The following GET4 variants were observed in gnomAD, a reference collection of about 807,000 sequenced individuals.
The protein encoded by GET4 is Golgi to ER traffic protein 4 homolog.
GET4 carries 20 observed loss-of-function variants against 40.0 expected under a neutral mutation model. The observed-to-expected ratio is 0.50, with a 90% confidence interval of 0.35 to 0.73. GET4 has a LOEUF of 0.73. Among genes scored for constraint, GET4 ranks in the 30% least tolerant of loss-of-function variants. GET4 has a pLI of 0.01. For missense variants in GET4, 557 were observed against 454.0 expected, an observed-to-expected ratio of 1.23 and a Z score of -2.06; for synonymous variants, 280 against 194.6, an observed-to-expected ratio of 1.44 and a Z score of -3.65.
At chr7:878,775 T>G (rs986290296) in intron 1 of GET4, among the ~76,000 whole-genome samples, 1 of 152,132 alleles carries the variant, frequency 6.6e-6, no homozygotes, top group Non-Finnish European at 1.5e-5. Context: ...GAGACGGGGT[T>G]TCACCATGTT....
chr7:876,617 G>GACAA lies in GET4; in HGVS notation c.-29_-28insACAA. The stretch of plus-strand genomic sequence containing the variant: ...GGCGCTGCCGACCGCGCCTGCGACA[G>GACAA]CGTCAGCCCTGCGCGGAGCGCCGGC... On this transcript the variant is annotated 5_prime_UTR_variant, in exon 1 of 9. Coordinates refer to ENST00000265857, the MANE Select transcript of GET4 (RefSeq NM_015949.3). The GACAA allele has an allele frequency of 8.5e-7, 1 of 1,177,934 alleles. No homozygotes were observed. Among genetic ancestry groups the GACAA allele is most frequent in the Non-Finnish European group, 1.1e-6 (1 of 948,474 alleles). The allele number at this position is 1,177,934 out of a possible 1,614,324, so 73.0% of individuals were successfully genotyped here. A position where few individuals can be genotyped will look rare whatever the true frequency, so the allele number is the denominator to read the frequency against.
chr7:884,896 C>G (rs1844157477), intron 1 of GET4: 1 of 153,258 alleles, frequency 6.5e-6, no homozygotes, highest in African/African-American at 2.4e-5. Flanking sequence ...GTCCTCCCAC[C>G]TCAGCCTCCC....
chr7:893,685 G>T (rs1030370892), intron 6 of GET4, 55 bp from the exon 7 acceptor site: 14 of 1,191,878 alleles, frequency 1.2e-5, no homozygotes, highest in Admixed American at 1.9e-5. Context: ...GTTTGTGCAG[G>T]TGAGTGTGGT....
At chr7:885,001 C>G (rs1030074795) in intron 1 of GET4, 1 of 152,238 alleles carries the variant, frequency 6.6e-6, no homozygotes, top group African/African-American at 2.4e-5. Flanking sequence ...AGGCCAGTCT[C>G]AAACTCATGA....
rs1583102402 is a variant in GET4, at chr7:893,804, A to G, written c.811A>G (p.Met271Val). ...CCAGCCATCCCTCCGGCGGGACCCC[A>G]TGTACAACGAGGTGAGAGCTTGGGG... ...QYQPSLRRDP[M>V]YNEYLDRIGQ... Residue 271 changes from methionine (M) to valine (V), a missense_variant, in exon 7 of 9, where the codon ATG becomes GTG. Coordinates refer to ENST00000265857, the MANE Select transcript of GET4 (RefSeq NM_015949.3). 14 of 1,610,944 alleles carry G rather than the reference A, an allele frequency of 8.7e-6. No homozygotes were observed. The highest frequency in any genetic ancestry group is 1.1e-5 in the South Asian group (1 of 90,968).
chr7:889,186 A>T (rs991888274), intron 4 of GET4, among the ~76,000 whole-genome samples: 2 of 152,252 alleles, frequency 1.3e-5, no homozygotes, highest in African/African-American at 2.4e-5. Flanking sequence ...TCCCCTGAAG[A>T]GGGGCCCTGG....
At chr7:882,993 C>A (rs185737399) in intron 1 of GET4, 4 of 152,270 alleles carry the variant, frequency 2.6e-5, no homozygotes, top group Non-Finnish European at 5.9e-5. Context: ...TTTTTTATTG[C>A]GGCCTCTGAC....
At chr7:885,729 C>T in intron 1 of GET4, 1 of 295,952 alleles carries the variant, frequency 3.4e-6, no homozygotes, top group Non-Finnish European at 6.4e-6. Context: ...CCTGCTCCTT[C>T]CCTGCGCACC....
At chr7:884,117 C>T (rs1562893757) in intron 1 of GET4, 5 of 1,215,554 alleles carry the variant, frequency 4.1e-6, no homozygotes, top group African/African-American at 3.2e-5. Flanking sequence ...AAGTCGCCAC[C>T]TCTTGCTTTA....
chr7:893,633 C>T (rs974175218), intron 6 of GET4, 107 bp from the exon 7 acceptor site: 129 of 665,442 alleles, frequency 1.9e-4, no homozygotes, highest in South Asian at 1.7e-3. Context: ...TGGGCGCGGG[C>T]GTGGTGGTGT....
At chr7:885,851 C>A in intron 1 of GET4, 1 of 588,216 alleles carries the variant, frequency 1.7e-6, no homozygotes, top group Non-Finnish European at 3.0e-6. Context: ...CCCTTAGTGT[C>A]CAGAGGCGCC....
At chr7:878,988 G>A (rs977506666) in intron 1 of GET4, among the ~76,000 whole-genome samples, 8 of 151,460 alleles carry the variant, frequency 5.3e-5, no homozygotes, top group Non-Finnish European at 8.8e-5. Context: ...CCCCCCCCGA[G>A]TAGAGTCCCT....
chr7:887,773 A>C (rs1274074216), intron 4 of GET4, among the ~76,000 whole-genome samples: 2 of 152,106 alleles, frequency 1.3e-5, no homozygotes, highest in African/African-American at 4.8e-5. Flanking sequence ...ACCCTCAGGG[A>C]GGCAGCCGTG....
At chr7:884,026 G>T (rs957030071) in intron 1 of GET4, 4 of 1,152,146 alleles carry the variant, frequency 3.5e-6, no homozygotes, top group African/African-American at 3.2e-5. Flanking sequence ...GTGACCATCG[G>T]CAGTGCCCCC....
At chr7:889,275 G>C (rs565623105) in intron 4 of GET4, among the ~76,000 whole-genome samples, 1 of 152,312 alleles carries the variant, frequency 6.6e-6, no homozygotes, top group East Asian at 1.9e-4. Flanking sequence ...GACCTCACCC[G>C]GGGAGCCCAG....
chr7:894,114 G>A (rs1482743179), intron 8 of GET4, 143 bp downstream of exon 8: 3 of 583,664 alleles, frequency 5.1e-6, no homozygotes, highest in East Asian at 5.9e-5. Flanking sequence ...ACTTTTGTTA[G>A]TAGGAAATTA....
At chr7:878,896 A>G (rs866632797) in intron 1 of GET4, among the ~76,000 whole-genome samples, 10 of 150,390 alleles carry the variant, frequency 6.6e-5, no homozygotes, top group Non-Finnish European at 1.5e-4. Flanking sequence ...TTTACTTTTT[A>G]GAGCAGTTTT....
At position 893,984 on chromosome 7, in the gene GET4, G is replaced by A. The variant is rs117535606; in HGVS notation, c.895+13G>A. 0.046 allele frequency: 71,755 copies of A among 1,562,704 alleles called. 2,014 individuals carry two copies. The highest frequency in any genetic ancestry group is 0.053 in the Non-Finnish European group (61,214 of 1,150,464). ...GGGGGCCTGCTCGGTAAGCCGGGGC[G>A]CCCTTGTCACACCCACTCCAGCCCT... is the stretch of plus-strand genomic sequence containing the variant. On this transcript the variant is annotated intron_variant, in intron 8 of 8. Coordinates refer to ENST00000265857, the MANE Select transcript of GET4 (RefSeq NM_015949.3).
At chr7:878,606 C>G (rs1844018058) in intron 1 of GET4, among the ~76,000 whole-genome samples, 1 of 148,088 alleles carries the variant, frequency 6.8e-6, no homozygotes, top group Non-Finnish European at 1.5e-5. Flanking sequence ...CGGAGTCTCG[C>G]TCTGTCCTCT....
Sources: gnomAD v4.1 joint callset for allele counts (sites outside exome capture counted in the v4.1 genomes callset) on GRCh38, gnomAD v4.1.1 for gene constraint, MANE v1.5 for transcripts, NCBI Gene and HGNC (gene_info 2026-07-23, HGNC 2026-07-21) for gene names.